The following CACNA1C variants were observed in gnomAD, a reference collection of about 807,000 sequenced individuals.
CACNA1C encodes the protein voltage-dependent L-type calcium channel subunit alpha-1C.
CACNA1C carries 30 observed loss-of-function variants against 229.0 expected under a neutral mutation model. The ratio of observed to expected loss-of-function variants is 0.13; its 90% CI spans 0.10 to 0.18. The LOEUF (loss-of-function observed/expected upper bound fraction) is 0.18. Ranked by LOEUF, CACNA1C falls within the 10% of genes least tolerant of loss-of-function variation. The pLI, the probability that CACNA1C is intolerant of heterozygous loss-of-function variation, is 1.00. For synonymous variants in CACNA1C, 1,114 were observed against 1,132.5 expected (o/e 0.98, Z 0.33); for missense variants, 1,658 against 2,845.0 (o/e 0.58, Z 9.49).
rs189351956 is a variant in CACNA1C, at chr12:2,265,452, A to G, written c.477+145022A>G. Among the ~76,000 whole-genome samples, 1,295 of 152,022 alleles carry G rather than the reference A, an allele frequency of 8.5e-3. 15 individuals carry two copies. The highest frequency in any genetic ancestry group is 0.03 in the African/African-American group (1,243 of 41,460). ...TGGCGTTGTGGTTTCCTCTACTTCC[A>G]CCTTACTGCAGAGTGGGGGGCTGGA... On this transcript the variant is annotated intron_variant, in intron 3 of 46. Transcript: ENST00000399655.
chr12:1,988,558 C>T (rs983980086), intron 1 of CACNA1C, among the ~76,000 whole-genome samples: 2 of 152,212 alleles, frequency 1.3e-5, no homozygotes, highest in Admixed American at 6.5e-5. Context: ...TATTACAGCA[C>T]GCTTCCTATT....
At chr12:2,392,438 G>C (rs543489614) in intron 3 of CACNA1C, among the ~76,000 whole-genome samples, 1 of 152,200 alleles carries the variant, frequency 6.6e-6, no homozygotes, top group Non-Finnish European at 1.5e-5. Context: ...CACCTGTCTG[G>C]GCACCTAAGC....
intron 28 of CACNA1C, 82 bp downstream of exon 28, chr12:2,610,781 A>C: frequency 7.2e-7 from 1 of 1,395,908 alleles, no homozygotes; most frequent in Non-Finnish European, 1.0e-6. Flanking sequence ...AGCGGCAGGC[A>C]GCTCAGTGCA....
chr12:2,518,624 A>T (rs75443925), intron 9 of CACNA1C, among the ~76,000 whole-genome samples: 1 of 151,760 alleles, frequency 6.6e-6, no homozygotes, highest in East Asian at 1.9e-4. Context: ...AAAAAAAAAA[A>T]TCAGTACGAT....
At chr12:2,553,761 G>A (rs1004803161) in intron 10 of CACNA1C, among the ~76,000 whole-genome samples, 2 of 152,230 alleles carry the variant, frequency 1.3e-5, no homozygotes, top group African/African-American at 4.8e-5. Context: ...AAGGGTGAGA[G>A]TGATGGGGAG....
intron 1 of CACNA1C, among the ~76,000 whole-genome samples, chr12:2,106,618 G>T (rs1200678215): frequency 9.3e-6 from 1 of 107,266 alleles, no homozygotes; most frequent in African/African-American, 3.4e-5. Context: ...ACCTCAGCTG[G>T]GCATCCTGAA....
chr12:2,372,583 T>G (rs1358564041), intron 3 of CACNA1C, among the ~76,000 whole-genome samples: 2 of 151,654 alleles, frequency 1.3e-5, no homozygotes, highest in Non-Finnish European at 2.9e-5. Context: ...CCTTTCATCC[T>G]CCACATTACC....
At chr12:2,097,955 C>T (rs1348573258) in intron 1 of CACNA1C, among the ~76,000 whole-genome samples, 1 of 152,212 alleles carries the variant, frequency 6.6e-6, no homozygotes, top group Non-Finnish European at 1.5e-5. Context: ...AGTTCTAGAA[C>T]CTGAGCTGTC....
chr12:2,105,311 G>GTA (rs1293561266), intron 1 of CACNA1C, among the ~76,000 whole-genome samples: 1 of 152,184 alleles, frequency 6.6e-6, no homozygotes, highest in Non-Finnish European at 1.5e-5. Flanking sequence ...ATTTGAGGGA[G>GTA]TACTCGTCAG....
At chr12:2,380,927 T>C (rs2098226708) in intron 3 of CACNA1C, among the ~76,000 whole-genome samples, 1 of 152,146 alleles carries the variant, frequency 6.6e-6, no homozygotes, top group Non-Finnish European at 1.5e-5. Context: ...AGGTGCAACC[T>C]CCTTCCCAGC....
intron 11 of CACNA1C, among the ~76,000 whole-genome samples, chr12:2,560,270 T>C (rs185814472): frequency 6.6e-6 from 1 of 152,360 alleles, no homozygotes; most frequent in East Asian, 1.9e-4. Flanking sequence ...GTATTCCTGA[T>C]CATTTTCTCA....
At chr12:2,154,684 A>C (rs1417322054) in intron 3 of CACNA1C, among the ~76,000 whole-genome samples, 1 of 152,160 alleles carries the variant, frequency 6.6e-6, no homozygotes, top group East Asian at 1.9e-4. Flanking sequence ...GAGAAACTGA[A>C]GCCTAGAACG....
intron 3 of CACNA1C, among the ~76,000 whole-genome samples, chr12:2,147,253 G>A (rs1481449418): frequency 6.6e-6 from 1 of 151,522 alleles, no homozygotes; most frequent in African/African-American, 2.4e-5. Flanking sequence ...ATTTCAAGAA[G>A]TGGGGCTGAC....
At chr12:2,449,145 T>C in intron 4 of CACNA1C, 30 bp downstream of exon 4, 1 of 1,479,580 alleles carries the variant, frequency 6.8e-7, no homozygotes, top group Non-Finnish European at 9.0e-7. Context: ...TCTTTCCCTT[T>C]ATCTTACCAG....
intron 3 of CACNA1C, among the ~76,000 whole-genome samples, chr12:2,227,449 G>T (rs1428719057): frequency 6.6e-6 from 1 of 152,162 alleles, no homozygotes; most frequent in Non-Finnish European, 1.5e-5. Flanking sequence ...TCTGCCAAAT[G>T]AAGACAATGC....
intron 3 of CACNA1C, among the ~76,000 whole-genome samples, chr12:2,352,809 G>A (rs2097245307): frequency 6.6e-6 from 1 of 152,160 alleles, no homozygotes; most frequent in Non-Finnish European, 1.5e-5. Context: ...CTACCTCTTT[G>A]TTGTGATATA....
In CACNA1C at chr12:2,467,994, C is replaced by T. The variant is rs372912930; in HGVS notation, c.757+10288C>T. On this transcript the variant is annotated intron_variant, in intron 5 of 46. Transcript: ENST00000399655. This position sits in a 1 kb window ranked among gnomAD's most constrained non-coding sequence, Gnocchi z 4.6. ...CCTGTGAGCTCCCAGCATCCGAGAC[C>T]TCTTGGAGAGGGACCCTGTGGGTTG... Among the ~76,000 whole-genome samples, 18 of 152,184 alleles carry T rather than the reference C, an allele frequency of 1.2e-4. No individual in the cohort carries two copies. Among genetic ancestry groups the T allele is most frequent in the African/African-American group, 4.3e-4 (18 of 41,434 alleles).
At chr12:2,008,113 A>T (rs1359343352) in intron 1 of CACNA1C, among the ~76,000 whole-genome samples, 1 of 151,976 alleles carries the variant, frequency 6.6e-6, no homozygotes, top group Non-Finnish European at 1.5e-5. Flanking sequence ...TTACTTATTT[A>T]TTTATTTATT....
chr12:2,273,601 G>A (rs181793234), intron 3 of CACNA1C, among the ~76,000 whole-genome samples: 222 of 152,288 alleles, frequency 1.5e-3, no homozygotes, highest in Non-Finnish European at 2.6e-3. Context: ...ACCTTTTCTG[G>A]GAATCAAATC....
Sources: allele counts gnomAD v4.1 joint callset (sites outside exome capture counted in the v4.1 genomes callset), GRCh38; gene constraint gnomAD v4.1.1; non-coding constraint Gnocchi (gnomAD v3.1); transcripts MANE v1.5; gene names NCBI Gene and HGNC (gene_info 2026-07-23, HGNC 2026-07-21).